NEGR1: variants seen among roughly 807,000 people sequenced by gnomAD.
The protein encoded by NEGR1 is neuronal growth regulator 1.
In NEGR1, 10 loss-of-function variants were observed where a neutral mutation model predicts 40.9. The observed-to-expected ratio is 0.24, with a 90% confidence interval of 0.15 to 0.42. NEGR1 has a LOEUF of 0.42. Ranked by LOEUF, NEGR1 falls within the 10% of genes least tolerant of loss-of-function variation. NEGR1 has a pLI of 1.00. For missense variants in NEGR1, 352 were observed against 438.9 expected (o/e 0.80, Z 1.77); for synonymous variants, 185 against 166.8 (o/e 1.11, Z -0.84).
chr1:71,483,003 A>G (rs901167694), intron 6 of NEGR1, among the ~76,000 whole-genome samples: 7 of 151,930 alleles, frequency 4.6e-5, no homozygotes, highest in Admixed American at 4.6e-4. Context: ...TAAGAGTGGT[A>G]GGTGGGATGC....
Position 72,282,408 on chromosome 1 carries a change from G to A in NEGR1, c.87C>T (p.Pro29=), listed in dbSNP as rs1384841027. 3 of 1,613,926 alleles carry A rather than the reference G, an allele frequency of 1.9e-6. No homozygotes were observed. The highest frequency in any genetic ancestry group is 2.5e-6 in the Non-Finnish European group (3 of 1,179,968). ...CACTCTGTCCAGCCGGGAGGCAGGA[G>A]GGTAGCAGGCAGCACAGGCTGAGGA... ...AVLLSLCCLL[P]SCLPAGQSVD... Residue 29 remains proline (P), a synonymous_variant, in exon 1 of 7, where the codon CCC becomes CCT. Transcript: ENST00000357731.
At chr1:71,649,134 C>G (rs149351842) in intron 4 of NEGR1, among the ~76,000 whole-genome samples, 4 of 151,942 alleles carry the variant, frequency 2.6e-5, no homozygotes, top group African/African-American at 9.6e-5. Flanking sequence ...AAAGTAATGC[C>G]AATTACAATA....
chr1:71,848,921 C>T (rs188624471), intron 2 of NEGR1, among the ~76,000 whole-genome samples: 1 of 152,078 alleles, frequency 6.6e-6, no homozygotes, highest in Non-Finnish European at 1.5e-5. Flanking sequence ...GAACCCCCAT[C>T]TCTAATAAAA....
At chr1:71,755,535 C>T (rs1003357714) in intron 3 of NEGR1, among the ~76,000 whole-genome samples, 2 of 152,216 alleles carry the variant, frequency 1.3e-5, no homozygotes, top group Admixed American at 6.5e-5. Context: ...AACTAACCTT[C>T]TCCAAGCCCA....
At chr1:71,768,828 G>A (rs1464799454) in intron 3 of NEGR1, among the ~76,000 whole-genome samples, 1 of 152,108 alleles carries the variant, frequency 6.6e-6, no homozygotes, top group Non-Finnish European at 1.5e-5. Context: ...TTTCATAAAT[G>A]GTTTAGCACC....
chr1:72,281,931 A>G (rs747902086), intron 1 of NEGR1, among the ~76,000 whole-genome samples: 19 of 152,314 alleles, frequency 1.2e-4, no homozygotes, highest in Admixed American at 2.0e-4. Context: ...AGTTTGAAAG[A>G]GTCGCTTATG....
chr1:72,262,755 T>C (rs1655501707), intron 1 of NEGR1, among the ~76,000 whole-genome samples: 1 of 151,950 alleles, frequency 6.6e-6, no homozygotes, highest in East Asian at 1.9e-4. Context: ...ATTTGTCTTC[T>C]AAAATTATTC....
chr1:71,933,300 T>C (rs1185212608), intron 2 of NEGR1, among the ~76,000 whole-genome samples: 1 of 152,052 alleles, frequency 6.6e-6, no homozygotes, highest in Non-Finnish European at 1.5e-5. Context: ...AGGCTGGTCT[T>C]AAATACCGAT....
intron 1 of NEGR1, among the ~76,000 whole-genome samples, chr1:72,083,052 A>G (rs564062931): frequency 2.8e-4 from 43 of 152,306 alleles, no homozygotes; most frequent in Middle Eastern, 3.4e-3. Context: ...GTGACCTGAA[A>G]TCAATTAAAT....
At chr1:72,132,483 C>A (rs929817468) in intron 1 of NEGR1, among the ~76,000 whole-genome samples, 2 of 152,020 alleles carry the variant, frequency 1.3e-5, no homozygotes, top group African/African-American at 4.8e-5. Context: ...TTCATGAAAA[C>A]AAACAAACAA....
At chr1:71,523,992 C>T (rs914167851) in intron 6 of NEGR1, among the ~76,000 whole-genome samples, 1 of 151,702 alleles carries the variant, frequency 6.6e-6, no homozygotes, top group Admixed American at 6.6e-5. Flanking sequence ...TTCATTTAAA[C>T]AATTTTTTTT....
chr1:71,685,396 C>T (rs969970225), intron 4 of NEGR1, among the ~76,000 whole-genome samples: 1 of 149,956 alleles, frequency 6.7e-6, no homozygotes, highest in African/African-American at 2.5e-5. Context: ...GATCTTGGCT[C>T]ACTGCAAACT....
chr1:72,279,390 T>C (rs187628552), intron 1 of NEGR1, among the ~76,000 whole-genome samples: 191 of 152,336 alleles, frequency 1.3e-3, no homozygotes, highest in Admixed American at 2.2e-3. Context: ...TTGCACTTTA[T>C]GGCCTTTAGC....
At chr1:71,990,738 G>A (rs1021358375) in intron 1 of NEGR1, among the ~76,000 whole-genome samples, 2 of 151,808 alleles carry the variant, frequency 1.3e-5, no homozygotes, top group African/African-American at 4.8e-5. Context: ...AAGTCTCTCT[G>A]GATACATCTC....
chr1:71,993,906 C>T (rs1371427795), intron 1 of NEGR1, among the ~76,000 whole-genome samples: 1 of 152,132 alleles, frequency 6.6e-6, no homozygotes, highest in Non-Finnish European at 1.5e-5. Flanking sequence ...CATTTCTTAG[C>T]TCTTTTTTAT....
At chr1:71,867,252 T>C (rs1356830272) in intron 2 of NEGR1, among the ~76,000 whole-genome samples, 2 of 152,138 alleles carry the variant, frequency 1.3e-5, no homozygotes, top group Non-Finnish European at 2.9e-5. Context: ...CCCGTGCCTA[T>C]AATCCCAGCT....
At chr1:71,625,762 C>T (rs1650753500) in intron 4 of NEGR1, among the ~76,000 whole-genome samples, 1 of 151,842 alleles carries the variant, frequency 6.6e-6, no homozygotes, top group African/African-American at 2.4e-5. Context: ...TGGACCACTG[C>T]TGGACATATC....
chr1:72,148,290 C>T (rs1049972100), intron 1 of NEGR1, among the ~76,000 whole-genome samples: 2 of 152,164 alleles, frequency 1.3e-5, no homozygotes, highest in Admixed American at 1.3e-4. Context: ...AGGCTCAACA[C>T]CACATAGAAG....
At chr1:71,695,499 T>C (rs916220548) in intron 4 of NEGR1, among the ~76,000 whole-genome samples, 2 of 151,930 alleles carry the variant, frequency 1.3e-5, no homozygotes, top group African/African-American at 4.8e-5. Context: ...AGCACTTCCC[T>C]ACTGTTTTAA....
Sources: allele counts gnomAD v4.1 joint callset (sites outside exome capture counted in the v4.1 genomes callset), GRCh38; gene constraint gnomAD v4.1.1; transcripts MANE v1.5; gene names NCBI Gene and HGNC (gene_info 2026-07-23, HGNC 2026-07-21).